Variants in HK1 observed in about 807,000 individuals in gnomAD.
HK1 encodes the protein hexokinase-1.
In HK1, 28 loss-of-function variants were observed where a neutral mutation model predicts 91.6. The ratio of observed to expected loss-of-function variants is 0.31; its 90% CI spans 0.23 to 0.42. The LOEUF (loss-of-function observed/expected upper bound fraction) is 0.42, where lower values mean the gene tolerates loss of function less well. Ranked by LOEUF, HK1 falls within the 10% of genes least tolerant of loss-of-function variation. The probability of loss-of-function intolerance (pLI) is 1.00; values close to 1 mark genes in which losing one functional copy is unlikely to be tolerated. For missense variants in HK1, 770 were observed against 1,219.8 expected, an observed-to-expected ratio of 0.63 and a Z score of 5.49; for synonymous variants, 430 against 468.1, an observed-to-expected ratio of 0.92 and a Z score of 1.05.
At chr10:69,300,812 C>T in exon 5 of HK1, 9 of 1,611,304 alleles carry the variant, frequency 5.6e-6, no homozygotes, top group Non-Finnish European at 7.6e-6. Context: ...CATTAATGTG[C>T]ACCACTGTGG....
chr10:69,274,253 G>A (rs1368610983), intron 1 of HK1, among the ~76,000 whole-genome samples: 1 of 152,006 alleles, frequency 6.6e-6, no homozygotes, highest in African/African-American at 2.4e-5. Flanking sequence ...AGACCAGCCT[G>A]GGCAACATAG....
intron 5 of HK1, among the ~76,000 whole-genome samples, chr10:69,307,196 G>A (rs532741667): frequency 7.5e-4 from 114 of 152,100 alleles, no homozygotes; most frequent in Non-Finnish European, 1.4e-3. Flanking sequence ...AGGGCATAGC[G>A]AGACAGACCT....
At chr10:69,334,073 T>C (rs1158957744) in intron 1 of HK1, among the ~76,000 whole-genome samples, 1 of 152,110 alleles carries the variant, frequency 6.6e-6, no homozygotes, top group Non-Finnish European at 1.5e-5. Context: ...ATTGCGCCAC[T>C]GTACTCTCCA....
At chr10:69,318,090 T>G (rs114799090), upstream of HK1, 2,318 of 985,136 alleles carry the variant, frequency 2.4e-3, 40 homozygotes, top group African/African-American at 0.035. Flanking sequence ...CCAGAGGGAG[T>G]GCGCCCTGAG....
chr10:69,355,068 CAAAAAAAAAA>C (rs775908068), intron 2 of HK1, among the ~76,000 whole-genome samples: 75 of 85,258 alleles, frequency 8.8e-4, no homozygotes, highest in African/African-American at 2.8e-3. Context: ...GACTCCCTCT[CAAAAAAAAAA>C]AAAAAAAAAA....
intron 5 of HK1, among the ~76,000 whole-genome samples, chr10:69,310,516 T>A (rs1438732344): frequency 6.6e-6 from 1 of 152,198 alleles, no homozygotes; most frequent in Non-Finnish European, 1.5e-5. Flanking sequence ...CATGTCATCT[T>A]AGAGCCTAGG....
intron 3 of HK1, among the ~76,000 whole-genome samples, chr10:69,294,602 A>G (rs1845459753): frequency 6.6e-6 from 1 of 152,092 alleles, no homozygotes; most frequent in African/African-American, 2.4e-5. Flanking sequence ...CACACTTGTA[A>G]TCCCAGCACT....
intron 1 of HK1, among the ~76,000 whole-genome samples, chr10:69,322,406 C>T (rs111941068): frequency 8.2e-4 from 125 of 152,214 alleles, no homozygotes; most frequent in East Asian, 7.7e-4. Flanking sequence ...ATTATCCAGA[C>T]GGCATCTGCA....
chr10:69,365,618 C>T (rs1432694308), intron 4 of HK1, among the ~76,000 whole-genome samples: 2 of 152,094 alleles, frequency 1.3e-5, no homozygotes, highest in African/African-American at 2.4e-5. Context: ...TGGTTCATGC[C>T]TGTAATCCCA....
intron 4 of HK1, among the ~76,000 whole-genome samples, chr10:69,297,617 G>GCTACTGTCTCTACA (rs1564762293): frequency 6.6e-6 from 1 of 151,940 alleles, no homozygotes; most frequent in African/African-American, 2.4e-5. Context: ...GGTTGAGGCC[G>GCTACTGTCTCTACA]GATGTGGTGG....
intron 5 of HK1, among the ~76,000 whole-genome samples, chr10:69,301,872 A>G (rs1479584862): frequency 6.6e-6 from 1 of 152,194 alleles, no homozygotes; most frequent in East Asian, 1.9e-4. Flanking sequence ...TCTAAAATTC[A>G]TATGAAAATG....
chr10:69,318,966 C>A lies in HK1; in HGVS notation c.19C>A (p.Leu7Met). Residue 7 changes from leucine (L) to methionine (M), a missense_variant, in exon 1 of 18, where the codon CTG becomes ATG. This residue lies in a region of HK1 where 449 missense variants were observed against 665.1 expected (regional missense o/e 0.68). Coordinates refer to ENST00000359426, the MANE Select transcript of HK1 (RefSeq NM_000188.3). ...CGCCAGCATGATCGCCGCGCAGCTC[C>A]TGGCCTATTACTTCACGGAGCTGAA... MIAAQL[L>M]AYYFTELKDD... 3 of 1,600,926 alleles carry A rather than the reference C, an allele frequency of 1.9e-6. No homozygotes were observed. Among genetic ancestry groups the A allele is most frequent in the Non-Finnish European group, 2.6e-6 (3 of 1,174,752 alleles).
chr10:69,346,080 T>TCGTGTTGTGC (rs58029909), intron 2 of HK1, among the ~76,000 whole-genome samples: 33,716 of 151,798 alleles, frequency 0.22, 3,915 homozygotes, highest in African/African-American at 0.25. Context: ...TCCTGCCCCT[T>TCGTGTTGTGC]CGTGTTGTGC....
chr10:69,312,650 C>T (rs571442244), upstream of HK1, among the ~76,000 whole-genome samples: 10 of 151,990 alleles, frequency 6.6e-5, no homozygotes, highest in African/African-American at 2.4e-4. Context: ...TTGAGATTAA[C>T]TTGTAAATGG....
intron 5 of HK1, among the ~76,000 whole-genome samples, chr10:69,301,639 A>C (rs573404652): frequency 1.2e-4 from 18 of 152,070 alleles, no homozygotes; most frequent in African/African-American, 4.3e-4. Context: ...AAAAGAACAA[A>C]TTACTTAGGA....
At chr10:69,348,859 C>T (rs1324861950) in intron 2 of HK1, among the ~76,000 whole-genome samples, 1 of 152,068 alleles carries the variant, frequency 6.6e-6, no homozygotes, top group Non-Finnish European at 1.5e-5. Flanking sequence ...GCAGGCATTT[C>T]CCGCAGGCAG....
intron 2 of HK1, among the ~76,000 whole-genome samples, chr10:69,352,263 G>A (rs910662999): frequency 3.3e-5 from 5 of 152,130 alleles, no homozygotes; most frequent in Admixed American, 1.3e-4. Flanking sequence ...AAAGTTCTGG[G>A]ATTACAAGCA....
chr10:69,328,692 C>G (rs1226809655), intron 1 of HK1, among the ~76,000 whole-genome samples: 1 of 152,144 alleles, frequency 6.6e-6, no homozygotes, highest in Non-Finnish European at 1.5e-5. Context: ...GTGTACAATT[C>G]AGTGGTTTCT....
At chr10:69,306,657 G>T (rs1846123065) in intron 5 of HK1, among the ~76,000 whole-genome samples, 1 of 152,216 alleles carries the variant, frequency 6.6e-6, no homozygotes, top group Non-Finnish European at 1.5e-5. Context: ...TTTGGCGCAG[G>T]TGAAGGAAGG....
Sources: gnomAD v4.1 joint callset for allele counts (sites outside exome capture counted in the v4.1 genomes callset) on GRCh38, gnomAD v4.1.1 for gene constraint, gnomAD v4.1.1 regional missense constraint, MANE v1.5 for transcripts, NCBI Gene and HGNC (gene_info 2026-07-23, HGNC 2026-07-21) for gene names.